Variants in DOCK2 observed in about 807,000 individuals in gnomAD.
DOCK2 encodes the protein dedicator of cytokinesis 2, also known as dedicator of cytokinesis protein 2.
DOCK2 carries 87 observed loss-of-function variants against 248.9 expected under a neutral mutation model. The ratio of observed to expected loss-of-function variants is 0.35; its 90% CI spans 0.29 to 0.42. The LOEUF (loss-of-function observed/expected upper bound fraction) is 0.42, where lower values mean the gene tolerates loss of function less well. Ranked by LOEUF, DOCK2 falls within the 10% of genes least tolerant of loss-of-function variation. DOCK2 has a pLI of 1.00. For synonymous variants in DOCK2, 805 were observed against 821.6 expected (o/e 0.98, Z 0.35); for missense variants, 1,747 against 2,300.2 (o/e 0.76, Z 4.92).
In DOCK2 at chr5:169,949,719, G is replaced by C. The variant is rs558925313; in HGVS notation, c.2800-33349G>C. ...AAATTACAGAGATCAAAAGGGAACA[G>C]AGTAGGAGAGTTTCTGAGTGTACAC... is the stretch of plus-strand genomic sequence containing the variant. On this transcript the variant is annotated intron_variant, in intron 27 of 51. Coordinates refer to ENST00000520908, the MANE Select transcript of DOCK2 (RefSeq NM_004946.3). Among the ~76,000 whole-genome samples, 3 of 77,558 alleles carry C rather than the reference G, an allele frequency of 3.9e-5. No homozygotes were observed. In the South Asian group the frequency reaches 8.9e-4, roughly 23 times the overall value. The allele number at this position is 77,558 out of a possible 152,430, so 50.9% of individuals were successfully genotyped here.
At chr5:169,657,643 C>T (rs989171556) in intron 2 of DOCK2, among the ~76,000 whole-genome samples, 8 of 152,218 alleles carry the variant, frequency 5.3e-5, no homozygotes, top group Admixed American at 5.2e-4. Flanking sequence ...TGGTTGACAT[C>T]TTTCCTGAGA....
At chr5:169,690,383 G>T (rs1448836986) in intron 9 of DOCK2, among the ~76,000 whole-genome samples, 4 of 152,152 alleles carry the variant, frequency 2.6e-5, no homozygotes, top group African/African-American at 9.7e-5. Context: ...AGGAGTGACC[G>T]ACATGCTAGA....
intron 27 of DOCK2, among the ~76,000 whole-genome samples, chr5:169,894,661 C>CCCAAT (rs1773492968): frequency 6.6e-6 from 1 of 152,176 alleles, no homozygotes; most frequent in Non-Finnish European, 1.5e-5. Flanking sequence ...CATTAAAGAG[C>CCCAAT]CCACTCTTCA....
At chr5:170,077,883 G>A (rs746500808) in intron 48 of DOCK2, 46 bp downstream of exon 48, 6 of 1,544,120 alleles carry the variant, frequency 3.9e-6, no homozygotes, top group East Asian at 4.5e-5. Flanking sequence ...CTGCCTCCCT[G>A]GCTCTATCCC....
rs141809567 is a variant in DOCK2, at chr5:169,841,915, A to G, written c.2799+1063A>G. Among the ~76,000 whole-genome samples, 95 of 152,318 alleles carry G rather than the reference A, an allele frequency of 6.2e-4. No homozygotes were observed. The East Asian group carries it at 0.015, about 24-fold the overall frequency. On this transcript the variant is annotated intron_variant, in intron 27 of 51. Coordinates refer to ENST00000520908, the MANE Select transcript of DOCK2 (RefSeq NM_004946.3). Reference sequence around the variant, plus strand: ...TAGGTCGTATAACAGCACTTGGCATATAGCAGGTGCTCAGTAAATACGTTT... The same window carrying G: ...TAGGTCGTATAACAGCACTTGGCATGTAGCAGGTGCTCAGTAAATACGTTT...
At chr5:169,913,707 CGCCCTCT>C (rs34058949) in intron 27 of DOCK2, among the ~76,000 whole-genome samples, 28,912 of 151,914 alleles carry the variant, frequency 0.19, 3,328 homozygotes, top group African/African-American at 0.32. Flanking sequence ...AGTCTTACCA[CGCCCTCT>C]GCCTGGACAT....
chr5:169,971,474 A>G (rs1056744433), intron 27 of DOCK2, among the ~76,000 whole-genome samples: 2 of 144,200 alleles, frequency 1.4e-5, no homozygotes, highest in African/African-American at 5.2e-5. Flanking sequence ...GGAATGCTCT[A>G]TCCAAAAGGG....
intron 33 of DOCK2, 83 bp from the exon 34 acceptor site, chr5:170,027,780 G>C: frequency 7.5e-7 from 1 of 1,334,020 alleles, no homozygotes; most frequent in Middle Eastern, 1.9e-4. Flanking sequence ...GCTCCCTAAA[G>C]CTTTGGTTGA....
intron 27 of DOCK2, among the ~76,000 whole-genome samples, chr5:169,887,164 G>A (rs1013131539): frequency 1.3e-5 from 2 of 152,144 alleles, no homozygotes; most frequent in African/African-American, 2.4e-5. Context: ...TTTTGTGCAA[G>A]GCTAGCAAGC....
intron 29 of DOCK2, among the ~76,000 whole-genome samples, chr5:169,992,061 C>T (rs1459661165): frequency 6.6e-6 from 1 of 152,138 alleles, no homozygotes; most frequent in African/African-American, 2.4e-5. Flanking sequence ...ACAGAACTGC[C>T]CTGTGGTTAA....
chr5:169,814,239 T>C (rs563802196), intron 26 of DOCK2, among the ~76,000 whole-genome samples: 1 of 152,360 alleles, frequency 6.6e-6, no homozygotes, highest in East Asian at 1.9e-4. Flanking sequence ...TGACGTCATG[T>C]GCCTCCTGAC....
intron 2 of DOCK2, among the ~76,000 whole-genome samples, chr5:169,661,525 A>G (rs1200583117): frequency 6.6e-6 from 1 of 152,190 alleles, no homozygotes; most frequent in Non-Finnish European, 1.5e-5. Flanking sequence ...TTTATTGACT[A>G]TAGATCCCTT....
chr5:169,873,698 T>A (rs534941371), intron 27 of DOCK2, among the ~76,000 whole-genome samples: 1 of 152,328 alleles, frequency 6.6e-6, no homozygotes, highest in South Asian at 2.1e-4. Flanking sequence ...TGAGTGCATA[T>A]TGCATTTCTA....
intron 2 of DOCK2, among the ~76,000 whole-genome samples, chr5:169,666,845 C>G (rs1194269277): frequency 1.3e-5 from 2 of 152,202 alleles, no homozygotes; most frequent in Non-Finnish European, 2.9e-5. Flanking sequence ...CAATGAATCC[C>G]TGGGGATTTA....
At position 170,055,347 on chromosome 5, in the gene DOCK2, C is replaced by T. The variant is rs781538418; in HGVS notation, c.4256C>T (p.Pro1419Leu). Residue 1419 changes from proline to leucine, a missense_variant, in exon 42 of 52, where the codon CCC (proline) becomes CTC (leucine). Pro to Leu is a moderately conservative substitution (Grantham distance 98). Around this residue, in one of 4 missense-constraint regions of DOCK2, gnomAD observed 513 missense variants for 586.1 expected, o/e 0.88. Coordinates refer to ENST00000520908, the MANE Select transcript of DOCK2 (RefSeq NM_004946.3). Reference protein sequence around the residue: ...FTVQPVLDEHPRFKNKPVPDQ... With the variant: ...FTVQPVLDEHLRFKNKPVPDQ... ...GTCCAGCCTGTCTTGGATGAACATC[C>T]CAGGTTCAAGAATAAGCCAGTGCCT... is the stretch of plus-strand genomic sequence containing the variant. 6.2e-7 allele frequency: 1 copy of T among 1,613,932 alleles called. No individual in the cohort carries two copies. Among genetic ancestry groups the T allele is most frequent in the Non-Finnish European group, 8.5e-7 (1 of 1,179,936 alleles).
At chr5:170,018,838 A>G (rs762052550) in intron 32 of DOCK2, 122 bp from the exon 33 acceptor site, 166 of 1,260,422 alleles carry the variant, frequency 1.3e-4, no homozygotes, top group Middle Eastern at 5.0e-4. Flanking sequence ...AAACAACTAT[A>G]TAAGTGTTAA....
intron 26 of DOCK2, among the ~76,000 whole-genome samples, chr5:169,839,167 AACCCCCATCTCCAGAGCTAAACAGC>A (rs1769785318): frequency 6.6e-6 from 1 of 152,134 alleles, no homozygotes; most frequent in Non-Finnish European, 1.5e-5. Flanking sequence ...GCTGTTCCCA[AACCCCCATCTCCAGAGCTAAACAGC>A]ATGTCACATC....
At chr5:170,040,951 G>C in intron 36 of DOCK2, 104 bp from the exon 37 acceptor site, 1 of 992,428 alleles carries the variant, frequency 1.0e-6, no homozygotes, top group Non-Finnish European at 1.6e-6. Context: ...ACTTTCTTGC[G>C]ACCCAGAGAG....
chr5:169,780,259 A>G (rs993101416), intron 25 of DOCK2, among the ~76,000 whole-genome samples: 2 of 151,320 alleles, frequency 1.3e-5, no homozygotes, highest in Non-Finnish European at 2.9e-5. Flanking sequence ...AGCTCTGGTT[A>G]GATTTGTAAG....
Sources: allele counts gnomAD v4.1 joint callset (sites outside exome capture counted in the v4.1 genomes callset), GRCh38; gene constraint gnomAD v4.1.1; regional missense constraint gnomAD v4.1.1; transcripts MANE v1.5; gene names NCBI Gene and HGNC (gene_info 2026-07-23, HGNC 2026-07-21).